Variants in FOXD1 observed in about 807,000 individuals in gnomAD.
The protein encoded by FOXD1 is forkhead box D1, also known as forkhead box protein D1.
A neutral mutation model predicts 2.0 loss-of-function variants in FOXD1; 4 were observed. The ratio of observed to expected loss-of-function variants is 2.03; its 90% CI spans 1.00 to 4.64. FOXD1 has a LOEUF of 4.64. Ranked by LOEUF, FOXD1 falls within the 30% of genes most tolerant of loss-of-function variation. The pLI is 0.01. For synonymous variants in FOXD1, 354 were observed against 328.5 expected, an observed-to-expected ratio of 1.08 and a Z score of -0.84; for missense variants, 586 against 647.6, an observed-to-expected ratio of 0.90 and a Z score of 1.03.
chr5:73,447,255 C>A lies in FOXD1; in HGVS notation c.1108G>T (p.Gly370Cys), dbSNP rs1406567016. 26 of 991,350 alleles carry A rather than the reference C, an allele frequency of 2.6e-5. No homozygotes were observed. Among genetic ancestry groups the A allele is most frequent in the Non-Finnish European group, 3.0e-5 (25 of 837,424 alleles). 61.4% of individuals were successfully genotyped at this position (991,350 alleles called of 1,614,324 possible). Residue 370 changes from glycine to cysteine, a missense_variant, in exon 1 of 1, where the codon GGC becomes TGC. This residue lies in a region of FOXD1 where 253 missense variants were observed against 234.4 expected (regional missense o/e 1.08). Coordinates refer to ENST00000615637, the MANE Select transcript of FOXD1 (RefSeq NM_004472.3). The surrounding 1 kb of genome is among the most constrained non-coding windows in gnomAD (Gnocchi z 7.8). ...GCAGCGGCGGCCGGGCCCAAGCTGC[C>A]CCCGATGATGCTCTCGATGGAGAAG... is the stretch of plus-strand genomic sequence containing the variant. Reference protein sequence around the residue: ...SPFSIESIIGGSLGPAAAAAA... With the variant: ...SPFSIESIIGCSLGPAAAAAA...
In FOXD1 at chr5:73,448,215, C is replaced by T; in HGVS notation, c.148G>A (p.Ala50Thr). 2.0e-6 allele frequency: 3 copies of T among 1,476,066 alleles called. No individual in the cohort carries two copies. The highest frequency in any genetic ancestry group is 2.7e-6 in the Non-Finnish European group (3 of 1,108,100). 91.4% of individuals were successfully genotyped at this position (1,476,066 alleles called of 1,614,324 possible). A position where few individuals can be genotyped will look rare whatever the true frequency, so the allele number is the denominator to read the frequency against. ...GAGCGCCGCCGCCGCCGCCGCTGCG[C>T]GGGGACAGCCAGCCGGGGCCCGCCA... ...GGGGPRLAVP[A>T]QRRRRRRSYA... The change falls in exon 1 of 1, where the codon GCG (alanine) becomes ACG (threonine). Residue 50 changes from alanine (A) to threonine (T), a missense_variant. Transcript: ENST00000615637.
In FOXD1 at chr5:73,448,037, G is replaced by A. The variant is rs938125692; in HGVS notation, c.326C>T (p.Ala109Val). The part of the protein sequence containing the change: ...GAGGGGGGGG[A>V]GGGGSAGSGA... ...GCTACCCGCGCTCCCGCCGCCGCCC[G>A]CGCCGCCGCCGCCGCCGCCCCCACC... Residue 109 changes from alanine (A) to valine (V), a missense_variant, in exon 1 of 1, where the codon GCG becomes GTG. Transcript: ENST00000615637. The A allele has an allele frequency of 2.3e-6, 3 of 1,293,234 alleles. No individual in the cohort carries two copies. Among genetic ancestry groups the A allele is most frequent in the Admixed American group, 7.6e-5 (2 of 26,154 alleles). The allele number at this position is 1,293,234 out of a possible 1,614,324, so 80.1% of individuals were successfully genotyped here.
rs1745508628 is a variant in FOXD1 at position 73,446,943 on chromosome 5, C to G, written c.*22G>C. ...GAGCCGGGATTCCTACCTTCTTCCT[C>G]GAGCGCGCTAACATAGCGTTATTAA... is the stretch of plus-strand genomic sequence containing the variant. On this transcript the variant is annotated 3_prime_UTR_variant, in exon 1 of 1. Transcript: ENST00000615637. 2 of 1,533,546 alleles carry G rather than the reference C, an allele frequency of 1.3e-6. No individual in the cohort carries two copies. Among genetic ancestry groups the G allele is most frequent in the Non-Finnish European group, 8.8e-7 (1 of 1,134,928 alleles). The allele number at this position is 1,533,546 out of a possible 1,614,324, so 95.0% of individuals were successfully genotyped here.
In FOXD1 at chr5:73,447,372, G is replaced by C; in HGVS notation, c.991C>G (p.Pro331Ala). ...ELARTAFGYR[P>A]HPLGAALPGP... ...GGTAGGGCGGCGCCGAGCGGGTGCG[G>C]CCGGTAGCCGAAGGCGGTCCGGGCC... The change falls in exon 1 of 1, where the codon CCG becomes GCG. Residue 331 changes from proline (P) to alanine (A), a missense_variant. Physicochemically the swap from Pro to Ala is conservative, Grantham distance 27. This residue lies in a region of FOXD1 where 253 missense variants were observed against 234.4 expected (regional missense o/e 1.08). Transcript: ENST00000615637. This position sits in a 1 kb window ranked among gnomAD's most constrained non-coding sequence, Gnocchi z 7.8. 5.1e-6 allele frequency: 5 copies of C among 982,868 alleles called. No individual in the cohort carries two copies. The highest frequency in any genetic ancestry group is 4.8e-6 in the Non-Finnish European group (4 of 829,700). 60.9% of individuals were successfully genotyped at this position (982,868 alleles called of 1,614,324 possible). A position where few individuals can be genotyped will look rare whatever the true frequency, so the allele number is the denominator to read the frequency against.
chr5:73,447,008 A>C lies in FOXD1; in HGVS notation c.1355T>G (p.Leu452Arg). The change falls in exon 1 of 1, where the codon CTG becomes CGG. Residue 452 changes from leucine to arginine, a missense_variant. By Grantham distance (102) the Leu-to-Arg change is moderately radical. Transcript: ENST00000615637. The surrounding 1 kb of genome is among the most constrained non-coding windows in gnomAD (Gnocchi z 7.8). ...ALGTLHQGTALSSVENFTARI... is the reference protein window; with the variant it reads ...ALGTLHQGTARSSVENFTARI... ...AGCAGTAAAGTTCTCGACACTGGAC[A>C]GGGCAGTCCCTTGGTGCAGAGTCCC... is the stretch of plus-strand genomic sequence containing the variant. The C allele has an allele frequency of 1.3e-6, 2 of 1,547,698 alleles. No individual in the cohort carries two copies. The highest frequency in any genetic ancestry group is 1.7e-6 in the Non-Finnish European group (2 of 1,145,388).
At position 73,448,180 on chromosome 5, in the gene FOXD1, C is replaced by G. The variant is rs760919186; in HGVS notation, c.183G>C (p.Gly61=). The G allele has an allele frequency of 2.8e-6, 4 of 1,446,358 alleles. No homozygotes were observed. The highest frequency in any genetic ancestry group is 3.7e-6 in the Non-Finnish European group (4 of 1,093,440). 89.6% of individuals were successfully genotyped at this position (1,446,358 alleles called of 1,614,324 possible). A position where few individuals can be genotyped will look rare whatever the true frequency, so the allele number is the denominator to read the frequency against. ...CCTCCAGATCCTCCAGCTCGTCCTC[C>G]CCGGCGTACGAGCGCCGCCGCCGCC... ...QRRRRRRSYA[G]EDELEDLEEE... is the part of the protein sequence containing the mutation. The change falls in exon 1 of 1, where the codon GGG becomes GGC. Residue 61 remains glycine (G), a synonymous_variant. Coordinates refer to ENST00000615637, the MANE Select transcript of FOXD1 (RefSeq NM_004472.3).
rs567443910 is a variant in FOXD1, at chr5:73,448,094, G to T, written c.269C>A (p.Pro90Gln). 116 of 1,141,364 alleles carry T rather than the reference G, an allele frequency of 1.0e-4. No homozygotes were observed. In the Middle Eastern group the frequency reaches 3.4e-3, roughly 33 times the overall value. 70.7% of individuals were successfully genotyped at this position (1,141,364 alleles called of 1,614,324 possible). Residue 90 changes from proline to glutamine, a missense_variant, in exon 1 of 1, where the codon CCG becomes CAG. This residue lies in a region of FOXD1 where 183 missense variants were observed against 159.2 expected (regional missense o/e 1.15). Coordinates refer to ENST00000615637, the MANE Select transcript of FOXD1 (RefSeq NM_004472.3). ...TGCCCCCGCCGCCGGGGCCGGGCCCGGGGGCGCCGGGGAGCCCCCAGCAGG... is the reference window on the plus strand; with the variant it reads ...TGCCCCCGCCGCCGGGGCCGGGCCCTGGGGCGCCGGGGAGCCCCCAGCAGG... ...APPAGGSPAP[P>Q]GPAPAAGAGA...
rs962792904 is a variant in FOXD1, at chr5:73,447,599, G to C, written c.764C>G (p.Ala255Gly). Residue 255 changes from alanine to glycine, a missense_variant, in exon 1 of 1, where the codon GCC becomes GGC. This residue lies in a region of FOXD1 where 253 missense variants were observed against 234.4 expected (regional missense o/e 1.08). Transcript: ENST00000615637. This position sits in a 1 kb window ranked among gnomAD's most constrained non-coding sequence, Gnocchi z 7.8. ...CGGGGGCGCGGGCGGGAAGAGCGCG[G>C]CGGCGGCTGCCGGGTCGCCCGCGCC... The part of the protein sequence containing the change: ...AGGAGDPAAA[A>G]ALFPPAPPPP... The C allele has an allele frequency of 2.5e-6, 3 of 1,195,122 alleles. 1 individual carries two copies. Among genetic ancestry groups the C allele is most frequent in the East Asian group, 7.6e-5 (2 of 26,336 alleles). The allele number at this position is 1,195,122 out of a possible 1,614,324, so 74.0% of individuals were successfully genotyped here.
Position 73,447,067 on chromosome 5 carries a change from GGCGGCC to G in FOXD1, c.1290_1295del (p.Ala433_Ala434del), listed in dbSNP as rs370819776. On this transcript the variant is annotated inframe_deletion, in exon 1 of 1. Transcript: ENST00000615637. This position sits in a 1 kb window ranked among gnomAD's most constrained non-coding sequence, Gnocchi z 7.8. ...CGGACGAGGAGACTGAGGAGGCGGCGGCGGCCGCGGCGGCCACGAGGGATCGGGTGA... is the reference window on the plus strand; with the variant it reads ...CGGACGAGGAGACTGAGGAGGCGGCGGCGGCGGCCACGAGGGATCGGGTGA... 2.0e-6 allele frequency: 3 copies of G among 1,515,106 alleles called. No individual in the cohort carries two copies. Among genetic ancestry groups the G allele is most frequent in the Non-Finnish European group, 2.7e-6 (3 of 1,130,242 alleles). The allele number at this position is 1,515,106 out of a possible 1,614,324, so 93.9% of individuals were successfully genotyped here.
In FOXD1 at chr5:73,446,924, G is replaced by A. The variant is rs1745507934; in HGVS notation, c.*41C>T. The A allele has an allele frequency of 6.0e-6, 9 of 1,488,714 alleles. No homozygotes were observed. The highest frequency in any genetic ancestry group is 6.0e-5 in the South Asian group (5 of 82,908). The allele number at this position is 1,488,714 out of a possible 1,614,324, so 92.2% of individuals were successfully genotyped here. ...ACCACCAAGACGAGAAAAGGAGCCG[G>A]GATTCCTACCTTCTTCCTCGAGCGC... On this transcript the variant is annotated 3_prime_UTR_variant, in exon 1 of 1. Coordinates refer to ENST00000615637, the MANE Select transcript of FOXD1 (RefSeq NM_004472.3).
chr5:73,448,458 G>C lies in FOXD1; in HGVS notation c.-96C>G. On this transcript the variant is annotated 5_prime_UTR_variant, in exon 1 of 1. Transcript: ENST00000615637. The stretch of plus-strand genomic sequence containing the variant: ...CGGGTCCCGGGCGGCAGGCCCGGCC[G>C]GGGGGCGCCACGCTGGGGGCGCTGC... 1 of 773,804 alleles carries C rather than the reference G, an allele frequency of 1.3e-6. No homozygotes were observed. The highest frequency in any genetic ancestry group is 1.9e-5 in the African/African-American group (1 of 52,916). The allele number at this position is 773,804 out of a possible 1,614,324, so 47.9% of individuals were successfully genotyped here.
Position 73,446,968 on chromosome 5 carries a change from A to T in FOXD1, c.1395T>A (p.Cys465Ter), listed in dbSNP as rs1204152179. The change falls in exon 1 of 1, where the codon TGT becomes TGA. Residue 465 changes from cysteine (C) to a stop codon, truncating the protein, a stop_gained. Coordinates refer to ENST00000615637, the MANE Select transcript of FOXD1 (RefSeq NM_004472.3). LOFTEE classifies it high-confidence loss of function. The part of the protein sequence containing the change: ...VENFTARISN[C>*] ...CGAGCGCGCTAACATAGCGTTATTA[A>T]CAATTGGAAATCCTAGCAGTAAAGT... The T allele has an allele frequency of 1.3e-6, 2 of 1,544,394 alleles. No individual in the cohort carries two copies. Among genetic ancestry groups the T allele is most frequent in the Non-Finnish European group, 1.7e-6 (2 of 1,143,138 alleles).
rs1313814590 is a variant in FOXD1, at chr5:73,447,082, C to T, written c.1281G>A (p.Val427=). Residue 427 remains valine, a synonymous_variant, in exon 1 of 1, where the codon GTG becomes GTA. Coordinates refer to ENST00000615637, the MANE Select transcript of FOXD1 (RefSeq NM_004472.3). This position sits in a 1 kb window ranked among gnomAD's most constrained non-coding sequence, Gnocchi z 7.8. ...AGGAGGCGGCGGCGGCCGCGGCGGC[C>T]ACGAGGGATCGGGTGAGCGCGGCCG... ...GPAAALTRSL[V]AAAAAAASSV... The T allele has an allele frequency of 4.0e-6, 6 of 1,493,910 alleles. No homozygotes were observed. Among genetic ancestry groups the T allele is most frequent in the Non-Finnish European group, 1.8e-6 (2 of 1,119,768 alleles). The allele number at this position is 1,493,910 out of a possible 1,614,324, so 92.5% of individuals were successfully genotyped here.
Position 73,446,864 on chromosome 5 carries a change from A to C in FOXD1, c.*101T>G, listed in dbSNP as rs1745506569. 1 of 1,048,842 alleles carries C rather than the reference A, an allele frequency of 9.5e-7. No homozygotes were observed. Among genetic ancestry groups the C allele is most frequent in the African/African-American group, 1.7e-5 (1 of 59,726 alleles). 65.0% of individuals were successfully genotyped at this position (1,048,842 alleles called of 1,614,324 possible). A position where few individuals can be genotyped will look rare whatever the true frequency, so the allele number is the denominator to read the frequency against. ...GCGAAAATGGGCGCGCGAGGTCGAG[A>C]GGGGCCGCGCCTGGAGGAGCGAACA... On this transcript the variant is annotated 3_prime_UTR_variant, in exon 1 of 1. Transcript: ENST00000615637.
Position 73,447,665 on chromosome 5 carries a change from G to T in FOXD1, c.698C>A (p.Ala233Asp), listed in dbSNP as rs576199268. The change falls in exon 1 of 1, where the codon GCC becomes GAC. Residue 233 changes from alanine to aspartate, a missense_variant. Physicochemically the swap from Ala to Asp is moderately radical, Grantham distance 126. This residue lies in a region of FOXD1 where 253 missense variants were observed against 234.4 expected (regional missense o/e 1.08). Transcript: ENST00000615637. The surrounding 1 kb of genome is among the most constrained non-coding windows in gnomAD (Gnocchi z 7.8). ...GCCGCGCAGCAGCAGAGACTCGGCG[G>T]CCGCGGCGTTGGGTGGGAGCAGCGG... is the stretch of plus-strand genomic sequence containing the variant. Reference protein sequence around the residue: ...RQPLLPPNAAAAESLLLRGAG... With the variant: ...RQPLLPPNAADAESLLLRGAG... 6.3e-7 allele frequency: 1 copy of T among 1,578,690 alleles called. No individual in the cohort carries two copies. Among genetic ancestry groups the T allele is most frequent in the South Asian group, 1.1e-5 (1 of 88,178 alleles).
Position 73,447,250 on chromosome 5 carries a change from G to A in FOXD1, c.1113C>T (p.Ser371=), listed in dbSNP as rs1454174060. 2.0e-6 allele frequency: 2 copies of A among 991,582 alleles called. No homozygotes were observed. Among genetic ancestry groups the A allele is most frequent in the African/African-American group, 1.8e-5 (1 of 56,568 alleles). 61.4% of individuals were successfully genotyped at this position (991,582 alleles called of 1,614,324 possible). A position where few individuals can be genotyped will look rare whatever the true frequency, so the allele number is the denominator to read the frequency against. The change falls in exon 1 of 1, where the codon AGC becomes AGT. Residue 371 remains serine, a synonymous_variant. Transcript: ENST00000615637. This position sits in a 1 kb window ranked among gnomAD's most constrained non-coding sequence, Gnocchi z 7.8. ...CGGCGGCAGCGGCGGCCGGGCCCAA[G>A]CTGCCCCCGATGATGCTCTCGATGG... ...PFSIESIIGG[S]LGPAAAAAAA... is the part of the protein sequence containing the mutation.
chr5:73,448,037 G>GCGC lies in FOXD1; in HGVS notation c.323_325dup (p.Gly108dup), dbSNP rs754134015. 749 of 1,293,236 alleles carry GCGC rather than the reference G, an allele frequency of 5.8e-4. 4 individuals carry two copies. Among genetic ancestry groups the GCGC allele is most frequent in the Middle Eastern group, 3.5e-3 (12 of 3,388 alleles). The allele number at this position is 1,293,236 out of a possible 1,614,324, so 80.1% of individuals were successfully genotyped here. ...GCTACCCGCGCTCCCGCCGCCGCCC[G>GCGC]CGCCGCCGCCGCCGCCGCCCCCACC... is the stretch of plus-strand genomic sequence containing the variant. On this transcript the variant is annotated inframe_insertion, in exon 1 of 1. Transcript: ENST00000615637.
rs1052207 is a variant in FOXD1, at chr5:73,447,829, C to T, written c.534G>A (p.Ser178=). ...AWQNSIRHNL[S]LNDCFVKIPR... ...GGATCTTGACGAAGCAGTCGTTGAG[C>T]GAGAGGTTGTGGCGGATGCTGTTCT... The change falls in exon 1 of 1, where the codon TCG becomes TCA. Residue 178 remains serine, a synonymous_variant. Coordinates refer to ENST00000615637, the MANE Select transcript of FOXD1 (RefSeq NM_004472.3). This position sits in a 1 kb window ranked among gnomAD's most constrained non-coding sequence, Gnocchi z 7.8. 1 of 1,611,366 alleles carries T rather than the reference C, an allele frequency of 6.2e-7. No homozygotes were observed. The highest frequency in any genetic ancestry group is 8.5e-7 in the Non-Finnish European group (1 of 1,178,748).
At position 73,447,547 on chromosome 5, in the gene FOXD1, G is replaced by GCCGTAGCCGTAGGCA; in HGVS notation, c.801_815dup (p.Ala268_Gly272dup). On this transcript the variant is annotated inframe_insertion, in exon 1 of 1. Transcript: ENST00000615637. This position sits in a 1 kb window ranked among gnomAD's most constrained non-coding sequence, Gnocchi z 7.8. Reference sequence around the variant, plus strand: ...GCAGGCCGTAGCCGCAGCCGTAGGGGCCGTAGCCGTAGGCATGCGGGGGCG... The same window carrying GCCGTAGCCGTAGGCA: ...GCAGGCCGTAGCCGCAGCCGTAGGGGCCGTAGCCGTAGGCACCGTAGCCGTAGGCATGCGGGGGCG... The GCCGTAGCCGTAGGCA allele has an allele frequency of 1.9e-6, 2 of 1,057,244 alleles. No individual in the cohort carries two copies. The highest frequency in any genetic ancestry group is 2.3e-6 in the Non-Finnish European group (2 of 876,718). The allele number at this position is 1,057,244 out of a possible 1,614,324, so 65.5% of individuals were successfully genotyped here. A position where few individuals can be genotyped will look rare whatever the true frequency, so the allele number is the denominator to read the frequency against.
Sources: allele counts gnomAD v4.1 joint callset, GRCh38; gene constraint gnomAD v4.1.1; regional missense constraint gnomAD v4.1.1; non-coding constraint Gnocchi (gnomAD v3.1); transcripts MANE v1.5; gene names NCBI Gene and HGNC (gene_info 2026-07-23, HGNC 2026-07-21).